The following HIVEP2 variants were observed in gnomAD, a reference collection of about 807,000 sequenced individuals.
The protein encoded by HIVEP2 is HIVEP zinc finger 2.
Under a neutral mutation model 180.7 loss-of-function variants are expected in HIVEP2, and 14 were observed. The ratio of observed to expected loss-of-function variants is 0.08; its 90% CI spans 0.05 to 0.12. The LOEUF is 0.12. Ranked by LOEUF, HIVEP2 falls within the 10% of genes least tolerant of loss-of-function variation. HIVEP2 has a pLI of 1.00. For synonymous variants in HIVEP2, 1,184 were observed against 1,136.4 expected (o/e 1.04, Z -0.84); for missense variants, 2,579 against 3,008.5 (o/e 0.86, Z 3.34).
At chr6:142,864,446 C>T (rs1253653654) in intron 1 of HIVEP2, among the ~76,000 whole-genome samples, 1 of 152,190 alleles carries the variant, frequency 6.6e-6, no homozygotes, top group Non-Finnish European at 1.5e-5. Flanking sequence ...TTAACTATTA[C>T]TAATACTTCA....
chr6:142,817,265 G>A (rs146867035), intron 2 of HIVEP2, among the ~76,000 whole-genome samples: 1 of 152,200 alleles, frequency 6.6e-6, no homozygotes, highest in Admixed American at 6.5e-5. Context: ...TGTGGCTCCA[G>A]CTTAGAATAC....
At chr6:142,881,267 G>A (rs1485173243) in intron 1 of HIVEP2, among the ~76,000 whole-genome samples, 5 of 152,148 alleles carry the variant, frequency 3.3e-5, no homozygotes, top group African/African-American at 1.2e-4. Flanking sequence ...TGATTTTATG[G>A]AAAATTAGGC....
chr6:142,887,489 A>G (rs1176077020), intron 1 of HIVEP2, among the ~76,000 whole-genome samples: 1 of 152,178 alleles, frequency 6.6e-6, no homozygotes, highest in Non-Finnish European at 1.5e-5. Flanking sequence ...TGAACTGAGG[A>G]TCCTCAGATA....
chr6:142,767,908 G>A (rs1437845208), intron 6 of HIVEP2, among the ~76,000 whole-genome samples: 1 of 152,156 alleles, frequency 6.6e-6, no homozygotes, highest in Admixed American at 6.5e-5. Flanking sequence ...GGATATTGAT[G>A]GAACTGGTGA....
At chr6:142,754,287 C>A (rs1775006567) in intron 9 of HIVEP2, among the ~76,000 whole-genome samples, 1 of 149,792 alleles carries the variant, frequency 6.7e-6, no homozygotes. Context: ...AAAAAGTTTA[C>A]TGAGCAAAAA....
chr6:142,855,578 A>G (rs1287983827), intron 1 of HIVEP2, among the ~76,000 whole-genome samples: 1 of 152,240 alleles, frequency 6.6e-6, no homozygotes, highest in African/African-American at 2.4e-5. Context: ...ATTAATAACC[A>G]CGTGGTAGAA....
rs577983899 is a variant in HIVEP2, at chr6:142,926,103, T to G, written c.-641+18996A>C. On this transcript the variant is annotated intron_variant, in intron 1 of 9. Coordinates refer to ENST00000367603, the MANE Select transcript of HIVEP2 (RefSeq NM_006734.4). ...CTAAACATCGATTCTTAAATATAGT[T>G]CTAAAGATGATTCATGCAAATTTAA... is the stretch of plus-strand genomic sequence containing the variant. Among the ~76,000 whole-genome samples the G allele has an allele frequency of 9.8e-5, 15 of 152,344 alleles. No individual in the cohort carries two copies. In the South Asian group the frequency reaches 2.9e-3, roughly 29 times the overall value.
At chr6:142,812,555 T>C (rs1424566527) in intron 2 of HIVEP2, among the ~76,000 whole-genome samples, 7 of 152,184 alleles carry the variant, frequency 4.6e-5, no homozygotes, top group Non-Finnish European at 1.0e-4. Context: ...CAGAAGTTTC[T>C]AGTAGCCAAT....
intron 1 of HIVEP2, among the ~76,000 whole-genome samples, chr6:142,921,987 A>T (rs572752780): frequency 6.6e-6 from 1 of 152,328 alleles, no homozygotes; most frequent in East Asian, 1.9e-4. Flanking sequence ...ATTGATGCTT[A>T]AAGTCTCTTT....
rs1474355608 is a variant in HIVEP2 at position 142,770,404 on chromosome 6, G to T, written c.4335C>A (p.Ala1445=). 1.2e-6 allele frequency: 2 copies of T among 1,614,132 alleles called. No homozygotes were observed. The highest frequency in any genetic ancestry group is 1.7e-6 in the Non-Finnish European group (2 of 1,180,046). ...LGGSKRMLSP[A]SSLELFMETK... ...TTTCCATGAAGAGCTCCAAGCTACT[G>T]GCTGGAGAAAGCATTCGCTTGCTAC... Residue 1445 remains alanine (A), a synonymous_variant, in exon 5 of 10, where the codon GCC becomes GCA. Transcript: ENST00000367603. The surrounding 1 kb of genome is among the most constrained non-coding windows in gnomAD (Gnocchi z 4.7).
chr6:142,851,237 G>A (rs921231596), intron 1 of HIVEP2, among the ~76,000 whole-genome samples: 5 of 152,306 alleles, frequency 3.3e-5, no homozygotes, highest in Admixed American at 3.3e-4. Context: ...CCAAGAGTGG[G>A]GTCCACCTGC....
intron 2 of HIVEP2, among the ~76,000 whole-genome samples, chr6:142,819,680 T>C (rs1776975947): frequency 6.6e-6 from 1 of 152,224 alleles, no homozygotes; most frequent in Admixed American, 6.5e-5. Context: ...AAGTGTTTAC[T>C]TTAATTCACA....
At chr6:142,765,540 C>T (rs748059201) in intron 6 of HIVEP2, among the ~76,000 whole-genome samples, 2 of 152,196 alleles carry the variant, frequency 1.3e-5, no homozygotes, top group Non-Finnish European at 2.9e-5. Context: ...GAGCTCAGCT[C>T]ACCAACTGTT....
At chr6:142,853,039 C>T (rs754688088) in intron 1 of HIVEP2, among the ~76,000 whole-genome samples, 1 of 152,070 alleles carries the variant, frequency 6.6e-6, no homozygotes, top group Admixed American at 6.5e-5. Context: ...TTTTCTAGAA[C>T]CTGCTAAGAT....
intron 1 of HIVEP2, among the ~76,000 whole-genome samples, chr6:142,942,788 C>G (rs1357894455): frequency 6.6e-6 from 1 of 152,148 alleles, no homozygotes; most frequent in African/African-American, 2.4e-5. Flanking sequence ...TCTTGAATAC[C>G]CTTGTATAAA....
chr6:142,816,002 C>G (rs1171356792), intron 2 of HIVEP2, among the ~76,000 whole-genome samples: 2 of 152,028 alleles, frequency 1.3e-5, no homozygotes, highest in African/African-American at 4.8e-5. Flanking sequence ...TTTACACTAC[C>G]CAATTCTATA....
chr6:142,898,534 C>T (rs13207993), intron 1 of HIVEP2, among the ~76,000 whole-genome samples: 9,477 of 152,048 alleles, frequency 0.062, 389 homozygotes, highest in Middle Eastern at 0.11. Context: ...TGGTGGTGCA[C>T]GCCTGTCATC....
At chr6:142,922,941 T>A (rs938966334) in intron 1 of HIVEP2, among the ~76,000 whole-genome samples, 15 of 152,154 alleles carry the variant, frequency 9.9e-5, no homozygotes, top group Non-Finnish European at 2.2e-4. Flanking sequence ...AAAACAAACA[T>A]GTTTTAATAT....
At position 142,771,252 on chromosome 6, in the gene HIVEP2, T is replaced by G. The variant is rs1415491179; in HGVS notation, c.3487A>C (p.Ser1163Arg). ...LAQPQIMHMDSQESLRNPLIQ... is the reference protein window; with the variant it reads ...LAQPQIMHMDRQESLRNPLIQ... ...AAGGGATTTCTCAAAGATTCCTGAC[T>G]GTCCATGTGCATGATCTGTGGCTGG... The change falls in exon 5 of 10, where the codon AGT becomes CGT. Residue 1163 changes from serine to arginine, a missense_variant. This residue lies in a region of HIVEP2 where 523 missense variants were observed against 577.0 expected (regional missense o/e 0.91). Transcript: ENST00000367603. The surrounding 1 kb of genome is among the most constrained non-coding windows in gnomAD (Gnocchi z 5.4). 6.2e-7 allele frequency: 1 copy of G among 1,614,120 alleles called. No homozygotes were observed. The highest frequency in any genetic ancestry group is 1.7e-5 in the Admixed American group (1 of 60,036).
Sources: gnomAD v4.1 joint callset for allele counts (sites outside exome capture counted in the v4.1 genomes callset) on GRCh38, gnomAD v4.1.1 for gene constraint, gnomAD v4.1.1 regional missense constraint, Gnocchi (gnomAD v3.1) non-coding constraint, MANE v1.5 for transcripts, NCBI Gene and HGNC (gene_info 2026-07-23, HGNC 2026-07-21) for gene names.